Variants in EAPP observed in about 807,000 individuals in gnomAD.
EAPP encodes E2F associated phosphoprotein, also known as E2F-associated phosphoprotein.
EAPP carries 38 observed loss-of-function variants against 34.3 expected under a neutral mutation model. The ratio of observed to expected loss-of-function variants is 1.11; its 90% CI spans 0.85 to 1.45. EAPP has a LOEUF of 1.45. Ranked by LOEUF, EAPP falls within the 40% of genes most tolerant of loss-of-function variation. EAPP has a pLI of 0.00. For missense variants in EAPP, 338 were observed against 343.7 expected, an observed-to-expected ratio of 0.98 and a Z score of 0.13; for synonymous variants, 113 against 117.6, an observed-to-expected ratio of 0.96 and a Z score of 0.25.
chr14:34,525,528 T>C (rs1017477209), intron 4 of EAPP, among the ~76,000 whole-genome samples: 1 of 152,102 alleles, frequency 6.6e-6, no homozygotes, highest in African/African-American at 2.4e-5. Context: ...GCCTCCTACA[T>C]AGACCTGATT....
chr14:34,517,245 T>C (rs1879768243), intron 5 of EAPP, among the ~76,000 whole-genome samples: 2 of 145,388 alleles, frequency 1.4e-5, no homozygotes, highest in South Asian at 2.1e-4. Flanking sequence ...GACGATTCTA[T>C]TTCTTTTTTT....
intron 3 of EAPP, among the ~76,000 whole-genome samples, chr14:34,532,366 G>A (rs1880324705): frequency 6.6e-6 from 1 of 151,940 alleles, no homozygotes; most frequent in South Asian, 2.1e-4. Context: ...GGCTGAGGCA[G>A]GAAAATTGCT....
intron 1 of EAPP, 179 bp from the exon 2 acceptor site, chr14:34,536,454 T>A: frequency 2.6e-6 from 1 of 382,578 alleles, no homozygotes; most frequent in Non-Finnish European, 4.4e-6. Context: ...TCCAATCTTC[T>A]TTAATTTTTT....
chr14:34,536,389 T>C (rs923894973), intron 1 of EAPP, 114 bp from the exon 2 acceptor site: 1 of 744,902 alleles, frequency 1.3e-6, no homozygotes, highest in African/African-American at 1.8e-5. Flanking sequence ...TTACATTTGA[T>C]GTACTTATAC....
At chr14:34,534,877 T>C (rs1880415777) in intron 2 of EAPP, among the ~76,000 whole-genome samples, 1 of 151,038 alleles carries the variant, frequency 6.6e-6, no homozygotes, top group Non-Finnish European at 1.5e-5. Flanking sequence ...TCTAGCTCTG[T>C]CACCCAGGCT....
intron 5 of EAPP, among the ~76,000 whole-genome samples, chr14:34,519,439 A>C: frequency 6.6e-6 from 1 of 151,896 alleles, no homozygotes; most frequent in South Asian, 2.1e-4. Flanking sequence ...GGAGACTGAG[A>C]CAGGAGAATT....
intron 2 of EAPP, among the ~76,000 whole-genome samples, chr14:34,534,381 C>T (rs755664244): frequency 3.9e-5 from 6 of 152,136 alleles, no homozygotes; most frequent in Non-Finnish European, 8.8e-5. Flanking sequence ...ATCCACCCAC[C>T]TCAGCCTCCC....
At chr14:34,538,581 T>C (rs552866435) in intron 1 of EAPP, among the ~76,000 whole-genome samples, 32 of 117,034 alleles carry the variant, frequency 2.7e-4, no homozygotes, top group Admixed American at 8.9e-4. Context: ...CATTGTTCTT[T>C]TGATTTTTTT....
chr14:34,528,036 C>T (rs1880151147), intron 4 of EAPP, among the ~76,000 whole-genome samples: 3 of 137,540 alleles, frequency 2.2e-5, no homozygotes, highest in Admixed American at 8.5e-5. Context: ...CTAGAGTAGC[C>T]TCATCTCAAT....
intron 3 of EAPP, 74 bp from the exon 4 acceptor site, chr14:34,529,549 T>C: frequency 9.3e-7 from 1 of 1,078,758 alleles, no homozygotes; most frequent in Non-Finnish European, 1.4e-6. Context: ...AAGAGTCTCA[T>C]TTCCCAAGCT....
chr14:34,516,062 G>A lies in EAPP; in HGVS notation c.*248C>T, dbSNP rs553290498. On this transcript the variant is annotated 3_prime_UTR_variant, in exon 6 of 6. Coordinates refer to ENST00000250454, the MANE Select transcript of EAPP (RefSeq NM_018453.4). ...TCTACAGAGCTTTAATAAAAAGCCC[G>A]ACAGTTTCCAAATGTTCATCAAAAA... 4 of 386,902 alleles carry A rather than the reference G, an allele frequency of 1.0e-5. No homozygotes were observed. The highest frequency in any genetic ancestry group is 4.1e-5 in the Admixed American group (1 of 24,426). 24.0% of individuals were successfully genotyped at this position (386,902 alleles called of 1,614,324 possible). A position where few individuals can be genotyped will look rare whatever the true frequency, so the allele number is the denominator to read the frequency against.
chr14:34,517,462 T>G (rs1484895854), intron 5 of EAPP, among the ~76,000 whole-genome samples: 1 of 151,554 alleles, frequency 6.6e-6, no homozygotes, highest in East Asian at 1.9e-4. Flanking sequence ...TTGGTCAGTT[T>G]CATCTTGAAC....
intron 5 of EAPP, among the ~76,000 whole-genome samples, chr14:34,520,756 G>A (rs375618239): frequency 1.7e-4 from 26 of 151,588 alleles, no homozygotes; most frequent in East Asian, 7.8e-4. Flanking sequence ...ACCCGCTTCC[G>A]CCTCCCAAAG....
chr14:34,526,645 G>A (rs951955363), intron 4 of EAPP, among the ~76,000 whole-genome samples: 3 of 151,832 alleles, frequency 2.0e-5, no homozygotes, highest in African/African-American at 7.3e-5. Flanking sequence ...CAGCACTTAA[G>A]GAGGCCAAGG....
intron 4 of EAPP, 129 bp from the exon 5 acceptor site, chr14:34,524,936 G>T: frequency 1.5e-6 from 1 of 663,634 alleles, no homozygotes; most frequent in Non-Finnish European, 2.6e-6. Flanking sequence ...AGGAACACAA[G>T]ATGAACCTGG....
chr14:34,538,545 T>C (rs1352599883), intron 1 of EAPP, among the ~76,000 whole-genome samples: 1 of 152,002 alleles, frequency 6.6e-6, no homozygotes, highest in Non-Finnish European at 1.5e-5. Context: ...ATGCATCCAA[T>C]GTCTCCCCAT....
At chr14:34,535,382 G>A (rs1413112994) in intron 2 of EAPP, among the ~76,000 whole-genome samples, 2 of 151,180 alleles carry the variant, frequency 1.3e-5, no homozygotes, top group African/African-American at 4.9e-5. Flanking sequence ...CACCCACCTC[G>A]GCCTCCCAAA....
rs566846750 is a variant in EAPP, at chr14:34,518,272, C to T, written c.582-1686G>A. ...TTACTGAGAGTGGAGTGTTGAAGTC[C>T]CCTACTATTATTGTATTGCAATACT... On this transcript the variant is annotated intron_variant, in intron 5 of 5. Transcript: ENST00000250454. 2.5e-3 allele frequency among the ~76,000 whole-genome samples: 373 copies of T among 150,858 alleles called. 3 individuals carry two copies. Among genetic ancestry groups the T allele is most frequent in the African/African-American group, 8.7e-3 (357 of 40,898 alleles).
chr14:34,525,640 A>C (rs1479767926), intron 4 of EAPP, among the ~76,000 whole-genome samples: 1 of 152,162 alleles, frequency 6.6e-6, no homozygotes, highest in African/African-American at 2.4e-5. Flanking sequence ...AAAGTGATGT[A>C]CTATCCTACA....
Sources: allele counts gnomAD v4.1 joint callset (sites outside exome capture counted in the v4.1 genomes callset), GRCh38; gene constraint gnomAD v4.1.1; transcripts MANE v1.5; gene names NCBI Gene and HGNC (gene_info 2026-07-23, HGNC 2026-07-21).